Variants in HOOK3 observed in about 807,000 individuals in gnomAD.
The protein encoded by HOOK3 is protein Hook homolog 3.
HOOK3 carries 24 observed loss-of-function variants against 116.3 expected under a neutral mutation model. The observed-to-expected ratio is 0.21, with a 90% CI of 0.15 to 0.29. HOOK3 has a LOEUF of 0.29. HOOK3 is among the 10% of genes least tolerant of loss of function. The pLI is 1.00. For synonymous variants in HOOK3, 275 were observed against 283.0 expected (o/e 0.97, Z 0.28); for missense variants, 632 against 830.2 (o/e 0.76, Z 2.93).
chr8:42,928,654 T>C (rs1003575949), intron 3 of HOOK3, among the ~76,000 whole-genome samples: 6 of 152,140 alleles, frequency 3.9e-5, no homozygotes, highest in Non-Finnish European at 7.4e-5. Flanking sequence ...TGGAGATGGG[T>C]AGAAAAGTTT....
chr8:42,940,136 G>A (rs901173063), intron 4 of HOOK3, among the ~76,000 whole-genome samples: 7 of 152,254 alleles, frequency 4.6e-5, no homozygotes, highest in East Asian at 1.9e-4. Context: ...GCAGGCCGCC[G>A]GGAGGTGGAG....
intron 10 of HOOK3, among the ~76,000 whole-genome samples, chr8:42,967,441 C>T (rs959880953): frequency 2.6e-5 from 4 of 152,152 alleles, no homozygotes; most frequent in African/African-American, 9.7e-5. Flanking sequence ...TATTCTTCCT[C>T]CTGTTCAGGG....
At chr8:42,907,995 CA>C (rs1165610598) in intron 2 of HOOK3, among the ~76,000 whole-genome samples, 1 of 151,860 alleles carries the variant, frequency 6.6e-6, no homozygotes, top group Admixed American at 6.6e-5. Context: ...AATCAACCTA[CA>C]AAAAATCAGT....
chr8:42,969,155 T>C (rs1216485200), intron 11 of HOOK3, among the ~76,000 whole-genome samples: 1 of 152,234 alleles, frequency 6.6e-6, no homozygotes, highest in East Asian at 1.9e-4. Flanking sequence ...TAAATAGTAT[T>C]GTACAGGTCC....
chr8:42,957,996 A>AT (rs1248312208), intron 7 of HOOK3, among the ~76,000 whole-genome samples: 9 of 150,744 alleles, frequency 6.0e-5, no homozygotes, highest in African/African-American at 7.3e-5. Flanking sequence ...TGCCCAGCTA[A>AT]TTTTTTTTTG....
At chr8:42,905,774 C>CAAA (rs113517967) in intron 1 of HOOK3, among the ~76,000 whole-genome samples, 1 of 121,954 alleles carries the variant, frequency 8.2e-6, no homozygotes, top group Non-Finnish European at 1.8e-5. Context: ...AGATAATCAC[C>CAAA]AAAAAAAAAA....
chr8:43,026,558 A>G lies in HOOK3; in HGVS notation c.*8060A>G, dbSNP rs902658028. The G allele has an allele frequency of 3.7e-5, 8 of 215,374 alleles. No individual in the cohort carries two copies. Among genetic ancestry groups the G allele is most frequent in the Middle Eastern group, 1.4e-3 (1 of 704 alleles). The allele number at this position is 215,374 out of a possible 1,614,324, so 13.3% of individuals were successfully genotyped here. ...AGAAGCCAAATCCTTTCAAACGCAAACACCCTTGAAACTTGATGCTTTCTG... is the reference window on the plus strand; with the variant it reads ...AGAAGCCAAATCCTTTCAAACGCAAGCACCCTTGAAACTTGATGCTTTCTG... On this transcript the variant is annotated 3_prime_UTR_variant, in exon 22 of 22. Coordinates refer to ENST00000307602, the MANE Select transcript of HOOK3 (RefSeq NM_032410.4).
intron 1 of HOOK3, among the ~76,000 whole-genome samples, chr8:42,904,965 G>C (rs1051137708): frequency 2.0e-5 from 3 of 152,114 alleles, no homozygotes; most frequent in Non-Finnish European, 4.4e-5. Flanking sequence ...ATTGATTTCC[G>C]TCTAAATCCT....
At chr8:42,948,423 C>T (rs1808276548) in intron 5 of HOOK3, among the ~76,000 whole-genome samples, 1 of 151,578 alleles carries the variant, frequency 6.6e-6, no homozygotes, top group African/African-American at 2.4e-5. Flanking sequence ...ATTTAGTTCT[C>T]ATCATCATTT....
intron 17 of HOOK3, among the ~76,000 whole-genome samples, chr8:43,007,609 C>T (rs1201805321): frequency 6.6e-6 from 1 of 152,300 alleles, no homozygotes; most frequent in African/African-American, 2.4e-5. Context: ...TGTATACCCT[C>T]TCTTTATGCA....
intron 1 of HOOK3, among the ~76,000 whole-genome samples, chr8:42,902,505 C>T (rs1433491555): frequency 6.6e-6 from 1 of 152,094 alleles, no homozygotes; most frequent in Non-Finnish European, 1.5e-5. Context: ...TTCCTGGGCT[C>T]AAGTGATCCT....
chr8:43,026,537 G>A lies in HOOK3; in HGVS notation c.*8039G>A. 9.4e-6 allele frequency: 2 copies of A among 212,468 alleles called. No individual in the cohort carries two copies. The highest frequency in any genetic ancestry group is 1.9e-5 in the Non-Finnish European group (2 of 105,102). The allele number at this position is 212,468 out of a possible 1,614,324, so 13.2% of individuals were successfully genotyped here. ...CTCTTTTATAATGTAATACTTAGAAGCCAAATCCTTTCAAACGCAAACACC... is the reference window on the plus strand; with the variant it reads ...CTCTTTTATAATGTAATACTTAGAAACCAAATCCTTTCAAACGCAAACACC... On this transcript the variant is annotated 3_prime_UTR_variant, in exon 22 of 22. Transcript: ENST00000307602.
At chr8:43,013,458 T>C (rs1160519331) in intron 21 of HOOK3, 58 bp downstream of exon 21, 3 of 1,345,702 alleles carry the variant, frequency 2.2e-6, no homozygotes, top group South Asian at 1.5e-5. Context: ...TAATACTTAT[T>C]ATATTCCCTT....
chr8:42,904,904 C>T (rs1315089460), intron 1 of HOOK3, among the ~76,000 whole-genome samples: 1 of 152,064 alleles, frequency 6.6e-6, no homozygotes, highest in Admixed American at 6.6e-5. Flanking sequence ...TTTCATTTTT[C>T]CTAGTTGTAA....
intron 2 of HOOK3, among the ~76,000 whole-genome samples, chr8:42,913,653 C>T (rs997699089): frequency 2.6e-5 from 4 of 152,128 alleles, no homozygotes; most frequent in African/African-American, 9.7e-5. Context: ...AGAGGAGTGG[C>T]TGGATCATAT....
chr8:43,011,409 T>C (rs1056535230), intron 19 of HOOK3, among the ~76,000 whole-genome samples: 1 of 152,176 alleles, frequency 6.6e-6, no homozygotes, highest in Non-Finnish European at 1.5e-5. Context: ...GAATAACTTA[T>C]TTGGGAGACT....
chr8:42,962,534 G>A (rs1393241516), intron 8 of HOOK3, among the ~76,000 whole-genome samples: 1 of 150,840 alleles, frequency 6.6e-6, no homozygotes, highest in African/African-American at 2.4e-5. Context: ...AGCCTCCCAA[G>A]TAGTGGGGAC....
At chr8:42,948,663 C>G (rs1009122887) in intron 5 of HOOK3, among the ~76,000 whole-genome samples, 2 of 152,186 alleles carry the variant, frequency 1.3e-5, no homozygotes, top group African/African-American at 2.4e-5. Flanking sequence ...AGTCATCCTA[C>G]CTATGCTGGT....
chr8:42,984,935 A>G (rs1303381225), intron 14 of HOOK3, among the ~76,000 whole-genome samples: 2 of 152,222 alleles, frequency 1.3e-5, no homozygotes, highest in Non-Finnish European at 2.9e-5. Flanking sequence ...GATTCAGCAA[A>G]TATGGCTTTT....
Sources: allele counts gnomAD v4.1 joint callset (sites outside exome capture counted in the v4.1 genomes callset), GRCh38; gene constraint gnomAD v4.1.1; transcripts MANE v1.5; gene names NCBI Gene and HGNC (gene_info 2026-07-23, HGNC 2026-07-21).